DNAAF9: variants seen among roughly 807,000 people sequenced by gnomAD.
DNAAF9 encodes dynein axonemal assembly factor 9, also known as shulin.
DNAAF9 carries 90 observed loss-of-function variants against 167.0 expected under a neutral mutation model. That is an observed-to-expected ratio of 0.54 (90% confidence interval 0.45 to 0.64). The LOEUF (loss-of-function observed/expected upper bound fraction) is 0.64. DNAAF9 is among the 30% of genes least tolerant of loss of function. DNAAF9 has a pLI of 0.00. For synonymous variants in DNAAF9, 491 were observed against 508.8 expected, an observed-to-expected ratio of 0.96 and a Z score of 0.47; for missense variants, 1,315 against 1,442.2, an observed-to-expected ratio of 0.91 and a Z score of 1.43.
intron 1 of DNAAF9, among the ~76,000 whole-genome samples, chr20:3,394,949 CTTTTTTTTTTTTTTTTTTTTTTT>C (rs10522445): frequency 0.5 from 51,587 of 102,930 alleles, 11,702 homozygotes; most frequent in Middle Eastern, 0.63. Flanking sequence ...TTTCTTTTTT[CTTTTTTTTTTTTTTTTTTTTTTT>C]TTTTTTTTTT....
intron 6 of DNAAF9, chr20:3,361,996 T>C (rs11087580): frequency 0.4 from 581,934 of 1,454,462 alleles, 125,732 homozygotes; most frequent in South Asian, 0.52. Flanking sequence ...TTCTGCCATT[T>C]TGCTAGCACT....
At chr20:3,258,799 C>A (rs957816182) in intron 33 of DNAAF9, among the ~76,000 whole-genome samples, 3 of 152,186 alleles carry the variant, frequency 2.0e-5, no homozygotes, top group African/African-American at 7.2e-5. Flanking sequence ...TCTGTGATAA[C>A]AGCTGAAGAC....
Position 3,287,700 on chromosome 20 carries a change from C to T in DNAAF9, c.2418G>A (p.Gln806=). ...CTGACTGGCGCGCAGAGCGGTTCTG[C>T]TGGGCCTCTAGGGCACTGGAAAGGT... ...QRYLSSALEA[Q]QNRSARQSAY... The change falls in exon 27 of 37, where the codon CAG becomes CAA. Residue 806 remains glutamine (Q), a synonymous_variant. Coordinates refer to ENST00000252032, the MANE Select transcript of DNAAF9 (RefSeq NM_001009984.3). 6.2e-7 allele frequency: 1 copy of T among 1,614,216 alleles called. No homozygotes were observed. Among genetic ancestry groups the T allele is most frequent in the Non-Finnish European group, 8.5e-7 (1 of 1,180,028 alleles).
At chr20:3,269,602 A>C (rs750256418) in intron 30 of DNAAF9, among the ~76,000 whole-genome samples, 4 of 152,180 alleles carry the variant, frequency 2.6e-5, no homozygotes, top group Non-Finnish European at 5.9e-5. Context: ...GAATGGATCA[A>C]AACAAAATGC....
At chr20:3,253,529 A>C (rs1282749887) in intron 36 of DNAAF9, among the ~76,000 whole-genome samples, 197 bp downstream of exon 36, 1 of 152,234 alleles carries the variant, frequency 6.6e-6, no homozygotes, top group Non-Finnish European at 1.5e-5. Context: ...ATTTAACTTT[A>C]ACAGCTTTAG....
At chr20:3,264,561 G>C in intron 30 of DNAAF9, 37 bp from the exon 31 acceptor site, 1 of 1,004,624 alleles carries the variant, frequency 1.0e-6, no homozygotes, top group Non-Finnish European at 1.6e-6. Flanking sequence ...GATTAATTAG[G>C]ACTGTCAATC....
chr20:3,402,274 CAGAT>C (rs1413030893), intron 1 of DNAAF9, among the ~76,000 whole-genome samples: 3 of 152,066 alleles, frequency 2.0e-5, no homozygotes, highest in African/African-American at 4.8e-5. Flanking sequence ...TTTAAATTGA[CAGAT>C]ATATATATGT....
intron 29 of DNAAF9, among the ~76,000 whole-genome samples, chr20:3,277,694 T>G (rs887802256): frequency 1.5e-4 from 23 of 152,088 alleles, no homozygotes; most frequent in Middle Eastern, 3.4e-3. Flanking sequence ...CTACCTGGGG[T>G]GGATACTGTG....
intron 8 of DNAAF9, among the ~76,000 whole-genome samples, chr20:3,344,301 T>C (rs1430008610): frequency 1.3e-5 from 2 of 152,186 alleles, no homozygotes; most frequent in African/African-American, 4.8e-5. Flanking sequence ...AAACTTAACA[T>C]GCATGCTCTC....
In DNAAF9 at chr20:3,287,746, T is replaced by C. The variant is rs2068877738; in HGVS notation, c.2372A>G (p.His791Arg). The change falls in exon 27 of 37, where the codon CAT (histidine) becomes CGT (arginine). Residue 791 changes from histidine to arginine, a missense_variant. Physicochemically the swap from His to Arg is conservative, Grantham distance 29. This residue lies in a region of DNAAF9 where 981 missense variants were observed against 1,012.5 expected (regional missense o/e 0.97). Coordinates refer to ENST00000252032, the MANE Select transcript of DNAAF9 (RefSeq NM_001009984.3). ...AAGGTATCTCTGGAAGTGTGCAGCA[T>C]GAAAACATTCAGAGCTGTCCATGAT... is the stretch of plus-strand genomic sequence containing the variant. The part of the protein sequence containing the change: ...RQIMDSSECF[H>R]AAHFQRYLSS... 2 of 1,614,194 alleles carry C rather than the reference T, an allele frequency of 1.2e-6. No individual in the cohort carries two copies. The highest frequency in any genetic ancestry group is 1.7e-6 in the Non-Finnish European group (2 of 1,180,014).
chr20:3,347,328 AT>A (rs554408951), intron 8 of DNAAF9, among the ~76,000 whole-genome samples: 191 of 152,164 alleles, frequency 1.3e-3, no homozygotes, highest in South Asian at 2.3e-3. Flanking sequence ...CGAAATAAAG[AT>A]TTTTTTTCCA....
At chr20:3,351,906 T>C (rs1209346552) in intron 7 of DNAAF9, among the ~76,000 whole-genome samples, 1 of 151,944 alleles carries the variant, frequency 6.6e-6, no homozygotes, top group Non-Finnish European at 1.5e-5. Context: ...GTGATCTCAG[T>C]GGCATGATCT....
At chr20:3,350,277 G>A (rs1249455524) in intron 7 of DNAAF9, among the ~76,000 whole-genome samples, 3 of 151,800 alleles carry the variant, frequency 2.0e-5, no homozygotes, top group South Asian at 2.1e-4. Flanking sequence ...CCAGGAGTTC[G>A]AGATCAGCCT....
intron 6 of DNAAF9, among the ~76,000 whole-genome samples, chr20:3,368,739 C>G (rs1025269195): frequency 6.6e-6 from 1 of 151,954 alleles, no homozygotes; most frequent in Non-Finnish European, 1.5e-5. Context: ...AGGATGGTCT[C>G]GATCTCCTGA....
At chr20:3,367,001 G>T (rs1406751418) in intron 6 of DNAAF9, among the ~76,000 whole-genome samples, 2 of 151,724 alleles carry the variant, frequency 1.3e-5, no homozygotes, top group Admixed American at 6.6e-5. Flanking sequence ...TCTTATACAA[G>T]GCTGTTGTCA....
At chr20:3,295,612 G>C (rs2069059040) in intron 23 of DNAAF9, 1 of 425,766 alleles carries the variant, frequency 2.3e-6, no homozygotes, top group Non-Finnish European at 4.7e-6. Context: ...CAATCCAGGG[G>C]ACTGAGAGGG....
rs554662477 is a variant in DNAAF9 at position 3,307,100 on chromosome 20, A to C, written c.1679-2557T>G. ...TCCAGAAAAAAGCACAGATTGGAGA[A>C]GCTGGCACATTCCATTTACTCAATA... On this transcript the variant is annotated intron_variant, in intron 20 of 36. Coordinates refer to ENST00000252032, the MANE Select transcript of DNAAF9 (RefSeq NM_001009984.3). The C allele has an allele frequency of 9.1e-6, 9 of 985,280 alleles. No homozygotes were observed. The African/African-American group carries it at 1.4e-4, about 15-fold the overall frequency. The allele number at this position is 985,280 out of a possible 1,614,324, so 61.0% of individuals were successfully genotyped here.
At chr20:3,303,714 C>G (rs953083730) in intron 21 of DNAAF9, among the ~76,000 whole-genome samples, 2 of 152,238 alleles carry the variant, frequency 1.3e-5, no homozygotes, top group African/African-American at 4.8e-5. Flanking sequence ...CCCAGACAGA[C>G]TGGTTTTGAG....
intron 33 of DNAAF9, 136 bp from the exon 34 acceptor site, chr20:3,256,347 G>T (rs2068280318): frequency 1.5e-6 from 1 of 678,824 alleles, no homozygotes. Flanking sequence ...ACTGGTGGCA[G>T]CTTAGAAAGG....
Sources: gnomAD v4.1 joint callset for allele counts (sites outside exome capture counted in the v4.1 genomes callset) on GRCh38, gnomAD v4.1.1 for gene constraint, gnomAD v4.1.1 regional missense constraint, MANE v1.5 for transcripts, NCBI Gene and HGNC (gene_info 2026-07-23, HGNC 2026-07-21) for gene names.